The following SLC71A1 variants were observed in gnomAD, a reference collection of about 807,000 sequenced individuals.
SLC71A1 encodes solute carrier family 71 member 1, also known as hippocampus abundant gene transcript 1.
At chr1:100,047,427 T>G in the SLC71A1 span, among the ~76,000 whole-genome samples, 1 of 152,196 alleles carries the variant, frequency 6.6e-6, no homozygotes, top group Admixed American at 6.5e-5. Context: ...ATTTTTTTGT[T>G]TTTAATTTTT....
the SLC71A1 span, chr1:100,068,170 C>T: frequency 6.2e-7 from 1 of 1,614,058 alleles, no homozygotes; most frequent in Non-Finnish European, 8.5e-7. Flanking sequence ...GCACCCATTT[C>T]CTGGGAACAA....
chr1:100,044,472 A>G, the SLC71A1 span, among the ~76,000 whole-genome samples: 389 of 111,956 alleles, frequency 3.5e-3, 1 homozygote, highest in Non-Finnish European at 5.1e-3. Context: ...GTTCATAAAT[A>G]TTTTCTCCAA....
At chr1:100,068,602 A>AC in the SLC71A1 span, 2 of 1,338,636 alleles carry the variant, frequency 1.5e-6, no homozygotes, top group Non-Finnish European at 2.1e-6. Context: ...ATCCTCTTCC[A>AC]CTAAGGTGGA....
the SLC71A1 span, chr1:100,043,111 A>G: frequency 7.1e-6 from 7 of 985,110 alleles, no homozygotes; most frequent in Non-Finnish European, 8.4e-6. Context: ...TGTAGTTAGA[A>G]GACTTGCATA....
the SLC71A1 span, among the ~76,000 whole-genome samples, chr1:100,063,526 G>T: frequency 6.6e-6 from 1 of 151,946 alleles, no homozygotes; most frequent in African/African-American, 2.4e-5. Flanking sequence ...GAGGGGCCAG[G>T]TGCAGTGGCT....
the SLC71A1 span, among the ~76,000 whole-genome samples, chr1:100,050,957 T>C: frequency 1.3e-5 from 2 of 151,918 alleles, no homozygotes; most frequent in East Asian, 1.9e-4. Context: ...TGGTGGCATA[T>C]GTTTGTAGTC....
At chr1:100,075,549 A>G in the SLC71A1 span, among the ~76,000 whole-genome samples, 1 of 152,272 alleles carries the variant, frequency 6.6e-6, no homozygotes, top group East Asian at 1.9e-4. Context: ...TTCCTTTTTC[A>G]TAATTAATTG....
the SLC71A1 span, among the ~76,000 whole-genome samples, chr1:100,046,388 G>T: frequency 6.6e-6 from 1 of 151,828 alleles, no homozygotes; most frequent in East Asian, 1.9e-4. Flanking sequence ...ACCACGCCTG[G>T]CTAATTTTTG....
At chr1:100,067,920 T>C in the SLC71A1 span, 1 of 1,278,518 alleles carries the variant, frequency 7.8e-7, no homozygotes. Context: ...AGGAGTTATG[T>C]GGTGTTGAGG....
chr1:100,064,479 T>C, the SLC71A1 span, among the ~76,000 whole-genome samples: 1 of 152,196 alleles, frequency 6.6e-6, no homozygotes, highest in Admixed American at 6.5e-5. Context: ...AACCCAGTTA[T>C]AGAACATTTC....
the SLC71A1 span, among the ~76,000 whole-genome samples, chr1:100,039,641 G>C: frequency 6.6e-6 from 1 of 152,168 alleles, no homozygotes; most frequent in East Asian, 1.9e-4. Context: ...GACCAAGTAG[G>C]TAAGAACTAT....
the SLC71A1 span, among the ~76,000 whole-genome samples, chr1:100,060,750 ATT>A: frequency 6.8e-6 from 1 of 146,046 alleles, no homozygotes. Context: ...TAAAATCAGT[ATT>A]TTTTTTTTTT....
chr1:100,073,670 G>A, the SLC71A1 span, among the ~76,000 whole-genome samples: 6 of 152,218 alleles, frequency 3.9e-5, no homozygotes, highest in African/African-American at 9.6e-5. Flanking sequence ...AAGGTAGTCC[G>A]TGTGTTGATG....
At chr1:100,057,053 T>C in the SLC71A1 span, among the ~76,000 whole-genome samples, 2 of 152,244 alleles carry the variant, frequency 1.3e-5, no homozygotes, top group South Asian at 4.1e-4. Flanking sequence ...GAGCCCCTTA[T>C]ACATTTTTGT....
chr1:100,078,623 C>A, the SLC71A1 span: 1 of 1,044,924 alleles, frequency 9.6e-7, no homozygotes, highest in Non-Finnish European at 1.5e-6. Flanking sequence ...CTCCTATGTA[C>A]TGAAACATAA....
the SLC71A1 span, among the ~76,000 whole-genome samples, chr1:100,081,518 A>G: frequency 2.8e-4 from 42 of 152,150 alleles, 1 homozygote; most frequent in Admixed American, 1.5e-3. Context: ...GATTACAGGC[A>G]TATGCCACCA....
the SLC71A1 span, among the ~76,000 whole-genome samples, chr1:100,066,792 A>G: frequency 1.3e-5 from 2 of 151,962 alleles, no homozygotes; most frequent in South Asian, 2.1e-4. Context: ...GATCGAGACC[A>G]TCTTGGCTAA....
the SLC71A1 span, among the ~76,000 whole-genome samples, chr1:100,051,092 A>C: frequency 6.8e-6 from 1 of 147,504 alleles, no homozygotes. Flanking sequence ...TCTCAAAAAA[A>C]AAAAACAAAA....
the SLC71A1 span, among the ~76,000 whole-genome samples, chr1:100,047,211 A>G: frequency 1.3e-5 from 2 of 152,136 alleles, no homozygotes; most frequent in Admixed American, 6.5e-5. Context: ...TATGGCTTTT[A>G]TCATATTGAG....
Sources: allele counts gnomAD v4.1 joint callset (sites outside exome capture counted in the v4.1 genomes callset), GRCh38; gene constraint gnomAD v4.1.1; transcripts MANE v1.5; gene names NCBI Gene and HGNC (gene_info 2026-07-23, HGNC 2026-07-21).